NRXN1: variants seen among roughly 807,000 people sequenced by gnomAD.
NRXN1 encodes the protein neurexin 1, also known as neurexin-1.
A neutral mutation model predicts 150.9 loss-of-function variants in NRXN1; 39 were observed. That is an observed-to-expected ratio of 0.26 (90% CI 0.20 to 0.34). The LOEUF is 0.34. Among genes scored for constraint, NRXN1 ranks in the 10% least tolerant of loss-of-function variants. NRXN1 has a pLI of 1.00. For missense variants in NRXN1, 1,815 were observed against 1,949.9 expected, an observed-to-expected ratio of 0.93 and a Z score of 1.30; for synonymous variants, 924 against 757.0, an observed-to-expected ratio of 1.22 and a Z score of -3.62.
At chr2:50,882,365 T>C (rs1404414941) in intron 5 of NRXN1, among the ~76,000 whole-genome samples, 1 of 151,942 alleles carries the variant, frequency 6.6e-6, no homozygotes, top group African/African-American at 2.4e-5. Context: ...AAATTCCTAC[T>C]ATTTTTCAGG....
intron 8 of NRXN1, among the ~76,000 whole-genome samples, chr2:50,589,988 C>A (rs1360805282): frequency 6.6e-6 from 1 of 152,140 alleles, no homozygotes; most frequent in Non-Finnish European, 1.5e-5. Context: ...TCATAAGTAT[C>A]TGAATGAATG....
At chr2:50,658,439 T>TGTGTGTGTGTGTGTGTGTG (rs1553935244) in intron 5 of NRXN1, among the ~76,000 whole-genome samples, 26 of 151,710 alleles carry the variant, frequency 1.7e-4, no homozygotes, top group South Asian at 1.0e-3. Flanking sequence ...TGTGTGTGTG[T>TGTGTGTGTGTGTGTGTGTG]TTGAGGCAGG....
At chr2:50,557,114 A>G (rs1668371700) in intron 8 of NRXN1, among the ~76,000 whole-genome samples, 1 of 152,188 alleles carries the variant, frequency 6.6e-6, no homozygotes, top group Non-Finnish European at 1.5e-5. Context: ...CTCGAGGATT[A>G]TATCTACCTA....
intron 15 of NRXN1, among the ~76,000 whole-genome samples, chr2:50,480,715 C>G (rs2090398025): frequency 6.6e-6 from 1 of 152,116 alleles, no homozygotes; most frequent in Admixed American, 6.5e-5. Flanking sequence ...TTTCTTGGCT[C>G]CTTGTCAGCC....
intron 5 of NRXN1, among the ~76,000 whole-genome samples, chr2:50,756,132 C>G (rs868221999): frequency 2.6e-5 from 4 of 151,834 alleles, no homozygotes; most frequent in Middle Eastern, 6.8e-3. Flanking sequence ...CTTTCCTATG[C>G]TACATGGTCT....
chr2:50,825,326 T>C (rs1670300902), intron 5 of NRXN1, among the ~76,000 whole-genome samples: 1 of 152,214 alleles, frequency 6.6e-6, no homozygotes. Flanking sequence ...GTTTGCTGGC[T>C]GGCAGCCTCT....
At chr2:50,483,356 C>G (rs77563945) in intron 15 of NRXN1, among the ~76,000 whole-genome samples, 3,005 of 152,224 alleles carry the variant, frequency 0.02, 107 homozygotes, top group African/African-American at 0.069. Flanking sequence ...TATAAGTATA[C>G]TCAGTTCAGC....
chr2:50,734,189 G>GC (rs1325542600), intron 5 of NRXN1, among the ~76,000 whole-genome samples: 3 of 152,014 alleles, frequency 2.0e-5, no homozygotes, highest in Admixed American at 2.0e-4. Context: ...GAATTCTGAG[G>GC]CCCCACATGT....
intron 5 of NRXN1, among the ~76,000 whole-genome samples, chr2:50,893,538 C>G (rs181879021): frequency 2.6e-5 from 4 of 152,156 alleles, no homozygotes; most frequent in East Asian, 3.9e-4. Context: ...TTCTTAGAAG[C>G]TATTCTGATA....
chr2:50,279,958 A>G (rs577805425), intron 17 of NRXN1, among the ~76,000 whole-genome samples: 21 of 152,290 alleles, frequency 1.4e-4, no homozygotes, highest in African/African-American at 5.1e-4. Context: ...TTTCCCTCCA[A>G]TTAAGAAAAA....
intron 18 of NRXN1, among the ~76,000 whole-genome samples, chr2:50,110,552 C>T (rs961702056): frequency 6.9e-6 from 1 of 144,814 alleles, no homozygotes; most frequent in Non-Finnish European, 1.5e-5. Context: ...TTAGTTTATA[C>T]AACCTTCAAA....
chr2:50,000,244 G>A (rs1297890806), intron 21 of NRXN1, among the ~76,000 whole-genome samples: 5 of 152,158 alleles, frequency 3.3e-5, no homozygotes, highest in East Asian at 1.9e-4. Context: ...AATCTACATT[G>A]TGCTTCTTTC....
At chr2:50,965,537 A>G (rs1693922894) in intron 2 of NRXN1, among the ~76,000 whole-genome samples, 1 of 151,588 alleles carries the variant, frequency 6.6e-6, no homozygotes. Flanking sequence ...TTAAATACTT[A>G]ACATGTAATT....
chr2:50,656,857 T>C (rs1559083663), intron 5 of NRXN1, among the ~76,000 whole-genome samples: 1 of 152,050 alleles, frequency 6.6e-6, no homozygotes, highest in Non-Finnish European at 1.5e-5. Flanking sequence ...ATTCACTGGT[T>C]ATAAAAGGAA....
At chr2:50,791,123 A>G (rs984566867) in intron 5 of NRXN1, among the ~76,000 whole-genome samples, 3 of 148,728 alleles carry the variant, frequency 2.0e-5, no homozygotes, top group Non-Finnish European at 4.4e-5. Context: ...TGCAATCAAA[A>G]TGTTTTTTTT....
intron 5 of NRXN1, among the ~76,000 whole-genome samples, chr2:50,865,702 AGCACCTG>A (rs1676829484): frequency 2.3e-5 from 2 of 88,692 alleles, no homozygotes; most frequent in Non-Finnish European, 4.2e-5. Flanking sequence ...TGGGGGTAGT[AGCACCTG>A]GCACATAGTA....
At chr2:49,948,784 CT>C (rs1264170929) in intron 21 of NRXN1, among the ~76,000 whole-genome samples, 1 of 151,936 alleles carries the variant, frequency 6.6e-6, no homozygotes, top group Non-Finnish European at 1.5e-5. Flanking sequence ...CTTTAGTATA[CT>C]TTTCCCTGAT....
chr2:50,206,490 T>C (rs1376282462), intron 18 of NRXN1, among the ~76,000 whole-genome samples: 1 of 152,070 alleles, frequency 6.6e-6, no homozygotes, highest in African/African-American at 2.4e-5. Context: ...CTCCTCATTA[T>C]ATCCCTTTGG....
intron 5 of NRXN1, among the ~76,000 whole-genome samples, chr2:50,634,061 G>T (rs1028711475): frequency 6.6e-6 from 1 of 152,154 alleles, no homozygotes; most frequent in African/African-American, 2.4e-5. Flanking sequence ...GGGGCAATGT[G>T]GGAATACAAT....
Sources: gnomAD v4.1 joint callset for allele counts (sites outside exome capture counted in the v4.1 genomes callset) on GRCh38, gnomAD v4.1.1 for gene constraint, MANE v1.5 for transcripts, NCBI Gene and HGNC (gene_info 2026-07-23, HGNC 2026-07-21) for gene names.